The following YAP1 variants were observed in gnomAD, a reference collection of about 807,000 sequenced individuals.
YAP1 encodes the protein transcriptional coactivator YAP1.
In YAP1, 5 loss-of-function variants were observed where a neutral mutation model predicts 56.9. The observed-to-expected ratio is 0.09, with a 90% CI of 0.05 to 0.18. The LOEUF (loss-of-function observed/expected upper bound fraction) is 0.18, where lower values mean the gene tolerates loss of function less well. YAP1 is among the 10% of genes least tolerant of loss of function. The pLI is 1.00. For synonymous variants in YAP1, 265 were observed against 248.1 expected (o/e 1.07, Z -0.64); for missense variants, 539 against 651.8 (o/e 0.83, Z 1.88).
At chr11:102,123,981 T>C (rs1943870429) in intron 2 of YAP1, among the ~76,000 whole-genome samples, 1 of 151,584 alleles carries the variant, frequency 6.6e-6, no homozygotes, top group South Asian at 2.1e-4. Context: ...AGATGGAGTC[T>C]TGCTTTGTCA....
At chr11:102,124,597 A>G (rs931211019) in intron 2 of YAP1, among the ~76,000 whole-genome samples, 1 of 152,054 alleles carries the variant, frequency 6.6e-6, no homozygotes, top group Non-Finnish European at 1.5e-5. Context: ...TTTTTCTGGA[A>G]TTCTTGCTAG....
intron 6 of YAP1, among the ~76,000 whole-genome samples, chr11:102,223,390 TA>T (rs1175191356): frequency 2.6e-5 from 4 of 151,060 alleles, no homozygotes; most frequent in African/African-American, 9.8e-5. Context: ...AAAATGTATA[TA>T]GGGTGGGGGG....
At chr11:102,193,843 G>GTTT (rs1217589631) in intron 4 of YAP1, among the ~76,000 whole-genome samples, 2 of 143,322 alleles carry the variant, frequency 1.4e-5, no homozygotes, top group Non-Finnish European at 1.5e-5. Flanking sequence ...TTTGATTTTT[G>GTTT]TTTTTTTTTT....
intron 2 of YAP1, among the ~76,000 whole-genome samples, chr11:102,131,087 A>G (rs1249135711): frequency 6.6e-6 from 1 of 152,214 alleles, no homozygotes; most frequent in African/African-American, 2.4e-5. Context: ...TCAATAAGCC[A>G]GTTCTCTCTC....
chr11:102,141,478 T>C (rs1378203884), intron 2 of YAP1, among the ~76,000 whole-genome samples: 5 of 152,242 alleles, frequency 3.3e-5, no homozygotes, highest in East Asian at 1.9e-4. Context: ...TGAAAAAATA[T>C]CCAGTTGGCG....
chr11:102,134,359 G>A (rs1170035982), intron 2 of YAP1, among the ~76,000 whole-genome samples: 4 of 151,888 alleles, frequency 2.6e-5, no homozygotes, highest in Non-Finnish European at 4.4e-5. Flanking sequence ...ATTATGTGCA[G>A]ATATACGATT....
At chr11:102,180,734 G>C (rs934967958) in intron 3 of YAP1, among the ~76,000 whole-genome samples, 9 of 147,780 alleles carry the variant, frequency 6.1e-5, no homozygotes, top group Non-Finnish European at 7.5e-5. Context: ...AATACTGAAT[G>C]ATAAATGCTA....
At chr11:102,144,178 A>G (rs1193505979) in intron 2 of YAP1, among the ~76,000 whole-genome samples, 3 of 152,304 alleles carry the variant, frequency 2.0e-5, no homozygotes, top group Non-Finnish European at 2.9e-5. Context: ...TGTTTAATGA[A>G]AAGTGAAAAT....
chr11:102,180,883 G>A (rs1013961382), intron 3 of YAP1, among the ~76,000 whole-genome samples: 7 of 151,502 alleles, frequency 4.6e-5, no homozygotes, highest in African/African-American at 9.7e-5. Flanking sequence ...ATGGTAGCTC[G>A]CACCTGTAAT....
chr11:102,132,770 AT>A (rs1478131984), intron 2 of YAP1, among the ~76,000 whole-genome samples: 5 of 152,240 alleles, frequency 3.3e-5, no homozygotes, highest in Non-Finnish European at 7.3e-5. Context: ...GTTTACACAC[AT>A]TGGTTACTCT....
intron 3 of YAP1, among the ~76,000 whole-genome samples, chr11:102,166,011 A>T (rs1391445659): frequency 6.6e-6 from 1 of 152,210 alleles, no homozygotes; most frequent in African/African-American, 2.4e-5. Context: ...ACTCGAGGTT[A>T]TTGCCTTTTA....
At position 102,114,148 on chromosome 11, in the gene YAP1, G is replaced by C; in HGVS notation, c.326G>C (p.Ser109Thr). 3 of 1,613,684 alleles carry C rather than the reference G, an allele frequency of 1.9e-6. No individual in the cohort carries two copies. The highest frequency in any genetic ancestry group is 1.1e-5 in the South Asian group (1 of 91,054). The change falls in exon 2 of 9, where the codon AGT becomes ACT. Residue 109 changes from serine (S) to threonine (T), a missense_variant. By Grantham distance (58) the Ser-to-Thr change is moderately conservative (BLOSUM62 1). Coordinates refer to ENST00000282441, the MANE Select transcript of YAP1 (RefSeq NM_001130145.3). Reference sequence around the variant, plus strand: ...CATCTTAATATTCCCTAATAGGCCAGTACTGATGCAGGCACTGCAGGAGCC... The same window carrying C: ...CATCTTAATATTCCCTAATAGGCCACTACTGATGCAGGCACTGCAGGAGCC... Reference protein sequence around the residue: ...PEPKSHSRQASTDAGTAGALT... With the variant: ...PEPKSHSRQATTDAGTAGALT...
intron 5 of YAP1, among the ~76,000 whole-genome samples, chr11:102,208,396 A>G (rs1000832906): frequency 2.6e-5 from 4 of 152,096 alleles, no homozygotes; most frequent in Admixed American, 6.6e-5. Flanking sequence ...TAATTTGTCT[A>G]TTATCAGTTC....
intron 2 of YAP1, among the ~76,000 whole-genome samples, chr11:102,125,186 T>G (rs1943954858): frequency 6.6e-6 from 1 of 151,650 alleles, no homozygotes; most frequent in Non-Finnish European, 1.5e-5. Flanking sequence ...CGGCTAATTT[T>G]TGTGTGTGTA....
intron 4 of YAP1, 36 bp downstream of exon 4, chr11:102,186,167 T>G: frequency 1.3e-6 from 2 of 1,599,300 alleles, no homozygotes; most frequent in Non-Finnish European, 1.7e-6. Flanking sequence ...TAGATGCTTT[T>G]GGTTGCTAAT....
rs1485208515 is a variant in YAP1 at position 102,229,944 on chromosome 11, C to T, written c.*4C>T. On this transcript the variant is annotated 3_prime_UTR_variant, in exon 9 of 9. Coordinates refer to ENST00000282441, the MANE Select transcript of YAP1 (RefSeq NM_001130145.3). Reference sequence around the variant, plus strand: ...AAGCTTTCTTACATGGTTATAGAGCCCTCAGGCAGACTGAATTCTAAATCT... The same window carrying T: ...AAGCTTTCTTACATGGTTATAGAGCTCTCAGGCAGACTGAATTCTAAATCT... The T allele has an allele frequency of 2.5e-6, 4 of 1,610,922 alleles. No individual in the cohort carries two copies. Among genetic ancestry groups the T allele is most frequent in the Non-Finnish European group, 3.4e-6 (4 of 1,177,302 alleles).
At chr11:102,201,422 C>T (rs574771763) in intron 4 of YAP1, among the ~76,000 whole-genome samples, 9 of 152,012 alleles carry the variant, frequency 5.9e-5, no homozygotes, top group Admixed American at 1.3e-4. Flanking sequence ...TAGGAGGAAG[C>T]GGGTGGGAAA....
chr11:102,139,629 C>G (rs943303530), intron 2 of YAP1, among the ~76,000 whole-genome samples: 1 of 152,144 alleles, frequency 6.6e-6, no homozygotes, highest in South Asian at 2.1e-4. Context: ...CAATGATTCC[C>G]CCATCCCCTA....
At chr11:102,227,191 C>A (rs1202269847) in intron 7 of YAP1, 1 of 316,554 alleles carries the variant, frequency 3.2e-6, no homozygotes, top group Non-Finnish European at 5.8e-6. Context: ...CTGGGGGTAT[C>A]TTTTTTTGTC....
Sources: gnomAD v4.1 joint callset for allele counts (sites outside exome capture counted in the v4.1 genomes callset) on GRCh38, gnomAD v4.1.1 for gene constraint, MANE v1.5 for transcripts, NCBI Gene and HGNC (gene_info 2026-07-23, HGNC 2026-07-21) for gene names.